The following SLC9A8 variants were observed in gnomAD, a reference collection of about 807,000 sequenced individuals.
The protein encoded by SLC9A8 is solute carrier family 9 member A8.
SLC9A8 carries 48 observed loss-of-function variants against 66.6 expected under a neutral mutation model. That is an observed-to-expected ratio of 0.72 (90% CI 0.57 to 0.92). SLC9A8 has a LOEUF of 0.92. Ranked by LOEUF, SLC9A8 falls within the 40% of genes least tolerant of loss-of-function variation. The pLI, the probability that SLC9A8 is intolerant of heterozygous loss-of-function variation, is 0.00. For synonymous variants in SLC9A8, 274 were observed against 282.6 expected, an observed-to-expected ratio of 0.97 and a Z score of 0.31; for missense variants, 599 against 747.3, an observed-to-expected ratio of 0.80 and a Z score of 2.31.
intron 5 of SLC9A8, among the ~76,000 whole-genome samples, chr20:49,847,972 C>T (rs1046690956): frequency 1.4e-5 from 2 of 139,266 alleles, no homozygotes; most frequent in African/African-American, 2.7e-5. Flanking sequence ...TGCAATGGCA[C>T]GAACTCGGCT....
intron 10 of SLC9A8, among the ~76,000 whole-genome samples, chr20:49,873,127 A>C (rs1359533833): frequency 6.6e-6 from 1 of 152,202 alleles, no homozygotes; most frequent in Non-Finnish European, 1.5e-5. Context: ...TTTAAATAAC[A>C]GTAGTTCATG....
intron 13 of SLC9A8, among the ~76,000 whole-genome samples, chr20:49,882,719 C>T (rs952101950): frequency 3.3e-5 from 5 of 152,198 alleles, no homozygotes; most frequent in African/African-American, 9.6e-5. Context: ...CTTTGAATTG[C>T]CCGGTGGCCT....
intron 3 of SLC9A8, among the ~76,000 whole-genome samples, chr20:49,833,975 G>A (rs930939267): frequency 1.3e-5 from 2 of 151,532 alleles, no homozygotes; most frequent in African/African-American, 2.4e-5. Flanking sequence ...TAAGCTGGGC[G>A]CAGTGGCTCA....
At chr20:49,856,386 G>A (rs1047035576) in intron 8 of SLC9A8, among the ~76,000 whole-genome samples, 2 of 152,222 alleles carry the variant, frequency 1.3e-5, no homozygotes, top group African/African-American at 4.8e-5. Flanking sequence ...AAATAAGGTA[G>A]GAATGCTGAT....
At chr20:49,840,848 G>A (rs1476856580) in intron 4 of SLC9A8, among the ~76,000 whole-genome samples, 3 of 152,186 alleles carry the variant, frequency 2.0e-5, no homozygotes, top group South Asian at 4.1e-4. Context: ...GGGCGTTGGC[G>A]GCTCATGCCT....
At chr20:49,885,181 A>AT (rs2089844351) in intron 14 of SLC9A8, among the ~76,000 whole-genome samples, 2 of 152,010 alleles carry the variant, frequency 1.3e-5, no homozygotes, top group African/African-American at 4.8e-5. Context: ...CCCACCCCCT[A>AT]TCTACCAACT....
At chr20:49,829,567 A>T (rs1170811325) in intron 3 of SLC9A8, 5 of 319,840 alleles carry the variant, frequency 1.6e-5, no homozygotes, top group Non-Finnish European at 3.1e-5. Context: ...TCTTTGTGAA[A>T]TTTTTTTGGA....
intron 3 of SLC9A8, among the ~76,000 whole-genome samples, chr20:49,823,819 A>C (rs1318498292): frequency 6.6e-6 from 1 of 152,218 alleles, no homozygotes; most frequent in Non-Finnish European, 1.5e-5. Context: ...ATAAAGTCTT[A>C]CTAAGGTCAG....
intron 3 of SLC9A8, among the ~76,000 whole-genome samples, chr20:49,833,597 G>C (rs1261704144): frequency 6.6e-6 from 1 of 152,188 alleles, no homozygotes; most frequent in Non-Finnish European, 1.5e-5. Flanking sequence ...TTGTAGTAGT[G>C]TAGGCAGCCT....
At chr20:49,856,808 G>A (rs1350352318) in intron 8 of SLC9A8, among the ~76,000 whole-genome samples, 2 of 147,628 alleles carry the variant, frequency 1.4e-5, no homozygotes, top group African/African-American at 2.6e-5. Context: ...GTGACAGAGC[G>A]AGACTCCGTC....
chr20:49,850,457 C>G (rs2088198285), intron 6 of SLC9A8, among the ~76,000 whole-genome samples: 1 of 152,180 alleles, frequency 6.6e-6, no homozygotes. Context: ...TAGCCAAAGC[C>G]CATTCCATTG....
In SLC9A8 at chr20:49,815,229, G is replaced by A. The variant is rs747847828; in HGVS notation, c.208+40G>A. 1.7e-5 allele frequency: 25 copies of A among 1,451,444 alleles called. No individual in the cohort carries two copies. In the East Asian group the frequency reaches 3.3e-4, roughly 19 times the overall value. The allele number at this position is 1,451,444 out of a possible 1,614,324, so 89.9% of individuals were successfully genotyped here. ...TGTCATCCCCATCATCTGCCATCCC[G>A]TGTCTGTGTGCTCGGTCTGTGTGTT... On this transcript the variant is annotated intron_variant, in intron 2 of 15. Coordinates refer to ENST00000361573, the MANE Select transcript of SLC9A8 (RefSeq NM_015266.3).
At chr20:49,866,385 A>G (rs1161408234) in intron 10 of SLC9A8, among the ~76,000 whole-genome samples, 4 of 152,232 alleles carry the variant, frequency 2.6e-5, no homozygotes, top group African/African-American at 9.6e-5. Context: ...AATACCTAGG[A>G]TTAAGGCTGC....
intron 5 of SLC9A8, among the ~76,000 whole-genome samples, chr20:49,847,447 T>C (rs1322023490): frequency 6.6e-6 from 1 of 151,728 alleles, no homozygotes; most frequent in Non-Finnish European, 1.5e-5. Context: ...TAATAGTTTT[T>C]TAGAGAAACA....
rs756377636 is a variant in SLC9A8 at position 49,886,803 on chromosome 20, G to A, written c.1543G>A (p.Glu515Lys). The A allele has an allele frequency of 1.2e-5, 20 of 1,614,074 alleles. No individual in the cohort carries two copies. Among genetic ancestry groups the A allele is most frequent in the Middle Eastern group, 1.6e-4 (1 of 6,084 alleles). Residue 515 changes from glutamate (E) to lysine (K), a missense_variant, in exon 15 of 16, where the codon GAG becomes AAG. Glu to Lys is a moderately conservative substitution (Grantham distance 56, BLOSUM62 1). Around this residue, in one of 2 missense-constraint regions of SLC9A8, gnomAD observed 467 missense variants for 626.5 expected, o/e 0.75. Transcript: ENST00000361573. This position sits in a 1 kb window ranked among gnomAD's most constrained non-coding sequence, Gnocchi z 4.8. ...GTCGGAGCTCACGGAGGAGGAGTAC[G>A]AGGCCCACTACATCAGGCGGCAGGA... ...HLSELTEEEY[E>K]AHYIRRQDLK...
At chr20:49,882,890 G>A (rs540358976) in intron 13 of SLC9A8, among the ~76,000 whole-genome samples, 4 of 152,166 alleles carry the variant, frequency 2.6e-5, no homozygotes, top group African/African-American at 4.8e-5. Flanking sequence ...TTGCCCTGCC[G>A]TCTCCCCATC....
chr20:49,813,470 C>T (rs919169729), intron 1 of SLC9A8, among the ~76,000 whole-genome samples: 2 of 152,176 alleles, frequency 1.3e-5, no homozygotes, highest in Admixed American at 6.5e-5. Flanking sequence ...AGCTTCCATT[C>T]TAGTGGGAAA....
At chr20:49,866,793 CT>C (rs1483795006) in intron 10 of SLC9A8, among the ~76,000 whole-genome samples, 1 of 152,022 alleles carries the variant, frequency 6.6e-6, no homozygotes, top group Non-Finnish European at 1.5e-5. Context: ...TATGCTTTGC[CT>C]TTTTTTCTTT....
chr20:49,848,536 A>C (rs543870426), intron 5 of SLC9A8, among the ~76,000 whole-genome samples: 1 of 152,210 alleles, frequency 6.6e-6, no homozygotes, highest in Non-Finnish European at 1.5e-5. Flanking sequence ...TCTTGTTCAC[A>C]ACCACAATCG....
Sources: allele counts gnomAD v4.1 joint callset (sites outside exome capture counted in the v4.1 genomes callset), GRCh38; gene constraint gnomAD v4.1.1; regional missense constraint gnomAD v4.1.1; non-coding constraint Gnocchi (gnomAD v3.1); transcripts MANE v1.5; gene names NCBI Gene and HGNC (gene_info 2026-07-23, HGNC 2026-07-21).